Variants in SLC35F4 observed in about 807,000 individuals in gnomAD.
SLC35F4 encodes chromosome 14 open reading frame 36.
In SLC35F4, 24 loss-of-function variants were observed where a neutral mutation model predicts 44.2. The ratio of observed to expected loss-of-function variants is 0.54; its 90% CI spans 0.39 to 0.76. SLC35F4 has a LOEUF of 0.76. SLC35F4 is among the 30% of genes least tolerant of loss of function. SLC35F4 has a pLI of 0.00. For synonymous variants in SLC35F4, 238 were observed against 223.6 expected, an observed-to-expected ratio of 1.06 and a Z score of -0.57; for missense variants, 562 against 586.1, an observed-to-expected ratio of 0.96 and a Z score of 0.42.
intron 1 of SLC35F4, among the ~76,000 whole-genome samples, chr14:57,894,671 A>C (rs59463377): frequency 0.023 from 3,512 of 152,248 alleles, 125 homozygotes; most frequent in East Asian, 0.087. Context: ...AATTTTTATA[A>C]AATTTGGAGG....
At chr14:57,745,930 G>A (rs1296436253) in intron 1 of SLC35F4, among the ~76,000 whole-genome samples, 1 of 152,178 alleles carries the variant, frequency 6.6e-6, no homozygotes, top group East Asian at 1.9e-4. Context: ...CATGTCCTTT[G>A]TAGGGACATG....
intron 1 of SLC35F4, among the ~76,000 whole-genome samples, chr14:57,926,075 G>A (rs1270234977): frequency 6.6e-6 from 1 of 152,180 alleles, no homozygotes; most frequent in African/African-American, 2.4e-5. Flanking sequence ...TAAAATGAGA[G>A]TGGTTCACAC....
At chr14:57,809,147 T>C (rs903620281) in intron 1 of SLC35F4, among the ~76,000 whole-genome samples, 1 of 152,194 alleles carries the variant, frequency 6.6e-6, no homozygotes, top group Non-Finnish European at 1.5e-5. Flanking sequence ...TTACAGTTCT[T>C]GGCTCTACCA....
At chr14:57,657,592 T>C (rs1240423251) in intron 1 of SLC35F4, among the ~76,000 whole-genome samples, 1 of 152,164 alleles carries the variant, frequency 6.6e-6, no homozygotes, top group East Asian at 1.9e-4. Flanking sequence ...TTTTCTCCAC[T>C]GTGCCACAAA....
chr14:57,886,234 T>C (rs1464068944), intron 1 of SLC35F4, among the ~76,000 whole-genome samples: 1 of 152,192 alleles, frequency 6.6e-6, no homozygotes, highest in Non-Finnish European at 1.5e-5. Flanking sequence ...CATGCATTAT[T>C]ATCTCACAGT....
At chr14:57,745,261 C>CACAGCAAGAGAAACTACCATCAGAGTGA (rs2076724360) in intron 1 of SLC35F4, among the ~76,000 whole-genome samples, 1 of 152,170 alleles carries the variant, frequency 6.6e-6, no homozygotes, top group African/African-American at 2.4e-5. Flanking sequence ...ACAGCTTCTG[C>CACAGCAAGAGAAACTACCATCAGAGTGA]ACAGCAAGAG....
intron 1 of SLC35F4, among the ~76,000 whole-genome samples, chr14:57,668,797 T>C (rs1376755635): frequency 6.6e-6 from 1 of 152,158 alleles, no homozygotes; most frequent in Non-Finnish European, 1.5e-5. Flanking sequence ...GGCTTAGGAT[T>C]GACTTGGCGA....
chr14:57,674,485 G>A (rs576232400), intron 1 of SLC35F4, among the ~76,000 whole-genome samples: 241 of 152,262 alleles, frequency 1.6e-3, no homozygotes, highest in African/African-American at 5.4e-3. Context: ...ATCACCAGGA[G>A]AATACAGAAG....
chr14:57,597,756 A>G (rs981430677), intron 1 of SLC35F4, among the ~76,000 whole-genome samples: 3 of 152,216 alleles, frequency 2.0e-5, no homozygotes, highest in African/African-American at 7.2e-5. Context: ...AGTCAGAGGC[A>G]TAAGGTGCAT....
chr14:57,922,982 G>A (rs1260716512), intron 1 of SLC35F4, among the ~76,000 whole-genome samples: 1 of 152,216 alleles, frequency 6.6e-6, no homozygotes, highest in African/African-American at 2.4e-5. Flanking sequence ...TGCCTACTAA[G>A]AGGCAAAAGC....
At chr14:57,722,140 T>C (rs1324453233) in intron 1 of SLC35F4, among the ~76,000 whole-genome samples, 2 of 152,180 alleles carry the variant, frequency 1.3e-5, no homozygotes, top group East Asian at 3.8e-4. Flanking sequence ...TGTGGAATAA[T>C]GGTGGAAGGA....
chr14:57,676,395 G>A lies in SLC35F4; in HGVS notation c.104-82271C>T, dbSNP rs115448438. Reference sequence around the variant, plus strand: ...AGCTGAACAATGAGAACACATGGACGCAGGGGCAACACACACTGGGGCCTG... The same window carrying A: ...AGCTGAACAATGAGAACACATGGACACAGGGGCAACACACACTGGGGCCTG... On this transcript the variant is annotated intron_variant, in intron 1 of 7. Coordinates refer to ENST00000556826, the MANE Select transcript of SLC35F4 (RefSeq NM_001306087.2). Among the ~76,000 whole-genome samples, 476 of 152,002 alleles carry A rather than the reference G, an allele frequency of 3.1e-3. 7 individuals are homozygous for A. The highest frequency in any genetic ancestry group is 0.011 in the African/African-American group (448 of 41,422).
chr14:57,689,958 CCTAAA>C (rs2075181569), intron 1 of SLC35F4, among the ~76,000 whole-genome samples: 1 of 152,124 alleles, frequency 6.6e-6, no homozygotes, highest in Non-Finnish European at 1.5e-5. Context: ...TTTGTCTTTG[CCTAAA>C]CTAAATGAGT....
intron 1 of SLC35F4, among the ~76,000 whole-genome samples, chr14:57,672,266 C>T (rs2074544871): frequency 6.6e-6 from 1 of 152,104 alleles, no homozygotes; most frequent in African/African-American, 2.4e-5. Context: ...CAGCCGGTCA[C>T]TGTGGACAAA....
intron 1 of SLC35F4, among the ~76,000 whole-genome samples, chr14:57,845,207 G>A (rs373435004): frequency 3.3e-5 from 5 of 152,294 alleles, no homozygotes; most frequent in African/African-American, 1.2e-4. Context: ...AATTTTGACT[G>A]CTTGTTACTC....
At chr14:57,651,604 G>C in intron 1 of SLC35F4, among the ~76,000 whole-genome samples, 1 of 152,144 alleles carries the variant, frequency 6.6e-6, no homozygotes, top group South Asian at 2.1e-4. Context: ...CTTTGAGCAT[G>C]AGGAGAGCAG....
At chr14:57,706,212 A>G (rs1255451641) in intron 1 of SLC35F4, among the ~76,000 whole-genome samples, 2 of 152,210 alleles carry the variant, frequency 1.3e-5, no homozygotes, top group African/African-American at 2.4e-5. Context: ...GTGTCCATCT[A>G]TGTAAAAAAT....
chr14:57,648,123 G>A (rs190739842), intron 1 of SLC35F4, among the ~76,000 whole-genome samples: 2 of 152,256 alleles, frequency 1.3e-5, no homozygotes, highest in Non-Finnish European at 2.9e-5. Flanking sequence ...TTAAATGCTA[G>A]CATCAGATAT....
At chr14:57,951,022 A>G (rs189000450) in intron 1 of SLC35F4, among the ~76,000 whole-genome samples, 3 of 152,248 alleles carry the variant, frequency 2.0e-5, no homozygotes, top group East Asian at 1.9e-4. Context: ...AAGATGGCCA[A>G]TTGGGAACAC....
Sources: gnomAD v4.1 joint callset for allele counts (sites outside exome capture counted in the v4.1 genomes callset) on GRCh38, gnomAD v4.1.1 for gene constraint, MANE v1.5 for transcripts, NCBI Gene and HGNC (gene_info 2026-07-23, HGNC 2026-07-21) for gene names.